The following AKAP19 variants were observed in gnomAD, a reference collection of about 807,000 sequenced individuals.
The protein encoded by AKAP19 is small A-kinase anchoring protein.
chr2:189,979,550 A>G, the AKAP19 span, among the ~76,000 whole-genome samples: 6 of 152,218 alleles, frequency 3.9e-5, no homozygotes, highest in Non-Finnish European at 5.9e-5. Context: ...TCTTAAAAGC[A>G]AATTCAACAG....
At chr2:190,004,658 C>T in the AKAP19 span, among the ~76,000 whole-genome samples, 1 of 151,536 alleles carries the variant, frequency 6.6e-6, no homozygotes, top group African/African-American at 2.4e-5. Context: ...TCTCATCTAT[C>T]ATTATAATCA....
chr2:190,015,927 C>A, the AKAP19 span, among the ~76,000 whole-genome samples: 1 of 152,184 alleles, frequency 6.6e-6, no homozygotes, highest in Non-Finnish European at 1.5e-5. Context: ...GCAAGAGTGA[C>A]CTTTGCTCCA....
At chr2:190,033,756 C>T in the AKAP19 span, among the ~76,000 whole-genome samples, 1 of 152,142 alleles carries the variant, frequency 6.6e-6, no homozygotes, top group East Asian at 1.9e-4. Flanking sequence ...GTCTTGTCTA[C>T]CTGGAATCTG....
At chr2:190,199,111 ACT>A in the AKAP19 span, among the ~76,000 whole-genome samples, 1 of 152,082 alleles carries the variant, frequency 6.6e-6, no homozygotes, top group Non-Finnish European at 1.5e-5. Flanking sequence ...ATAAAGCCAG[ACT>A]CTAACAGTAG....
At chr2:190,169,365 T>C in the AKAP19 span, among the ~76,000 whole-genome samples, 14,695 of 152,098 alleles carry the variant, frequency 0.097, 761 homozygotes, top group Middle Eastern at 0.14. Flanking sequence ...CATTCCTGTA[T>C]AGTCTTTTGT....
chr2:190,013,497 G>A, the AKAP19 span, among the ~76,000 whole-genome samples: 5 of 151,398 alleles, frequency 3.3e-5, no homozygotes, highest in Non-Finnish European at 5.9e-5. Flanking sequence ...GTCTCTCTTT[G>A]TTTATTTGTA....
chr2:190,036,308 G>A, the AKAP19 span, among the ~76,000 whole-genome samples: 1,529 of 152,236 alleles, frequency 0.01, 23 homozygotes, highest in African/African-American at 0.035. Flanking sequence ...GTGAGCTATG[G>A]CACAGTACAG....
the AKAP19 span, among the ~76,000 whole-genome samples, chr2:189,959,213 ACTTT>A: frequency 6.6e-6 from 1 of 151,482 alleles, no homozygotes; most frequent in African/African-American, 2.4e-5. Context: ...TTTAAATTTA[ACTTT>A]CTAATATAAT....
the AKAP19 span, among the ~76,000 whole-genome samples, chr2:189,938,563 T>TGA: frequency 6.6e-6 from 1 of 152,080 alleles, no homozygotes; most frequent in African/African-American, 2.4e-5. Context: ...AGTAGAAGGA[T>TGA]GGTTACCAGA....
At chr2:189,940,921 A>G in the AKAP19 span, among the ~76,000 whole-genome samples, 1 of 152,178 alleles carries the variant, frequency 6.6e-6, no homozygotes, top group Non-Finnish European at 1.5e-5. Flanking sequence ...GCCAGAGAAT[A>G]CCAAATTTGT....
chr2:189,906,908 A>G, the AKAP19 span, among the ~76,000 whole-genome samples: 1 of 152,188 alleles, frequency 6.6e-6, no homozygotes, highest in Admixed American at 6.5e-5. Context: ...ATAGCAGGGT[A>G]CTAAGCTGTA....
the AKAP19 span, among the ~76,000 whole-genome samples, chr2:189,929,177 C>G: frequency 1.3e-5 from 2 of 152,134 alleles, no homozygotes; most frequent in African/African-American, 4.8e-5. Flanking sequence ...AGTTAGCTAG[C>G]AGGACTTAAT....
chr2:190,059,014 A>G, the AKAP19 span, among the ~76,000 whole-genome samples: 1 of 151,698 alleles, frequency 6.6e-6, no homozygotes, highest in African/African-American at 2.4e-5. Flanking sequence ...AAATATATAT[A>G]TACACATATA....
the AKAP19 span, among the ~76,000 whole-genome samples, chr2:190,070,200 G>A: frequency 5.3e-5 from 8 of 152,244 alleles, no homozygotes; most frequent in African/African-American, 1.9e-4. Context: ...TAGTATAGGA[G>A]TTTTAATGTC....
the AKAP19 span, among the ~76,000 whole-genome samples, chr2:190,038,843 T>A: frequency 3.3e-5 from 5 of 151,920 alleles, no homozygotes; most frequent in African/African-American, 4.8e-5. Flanking sequence ...TACAGGAATC[T>A]TCTACTTTGC....
chr2:189,989,399 C>T, the AKAP19 span, among the ~76,000 whole-genome samples: 1 of 151,510 alleles, frequency 6.6e-6, no homozygotes, highest in African/African-American at 2.4e-5. Context: ...GAACTAAATT[C>T]ATCAATTAAA....
the AKAP19 span, chr2:190,062,465 C>A: frequency 6.2e-7 from 1 of 1,613,490 alleles, no homozygotes; most frequent in Non-Finnish European, 8.5e-7. Flanking sequence ...TGTTTTGTCT[C>A]CAAGTACATG....
chr2:189,986,656 C>A, the AKAP19 span, among the ~76,000 whole-genome samples: 129 of 152,188 alleles, frequency 8.5e-4, 1 homozygote, highest in African/African-American at 2.9e-3. Flanking sequence ...ATTCTCTATC[C>A]CCTTACTTCT....
the AKAP19 span, chr2:190,056,982 G>T: frequency 2.9e-6 from 1 of 343,466 alleles, no homozygotes; most frequent in Non-Finnish European, 5.3e-6. Flanking sequence ...TCATTTCCTC[G>T]CCGATGTTGT....
Sources: gnomAD v4.1 joint callset for allele counts (sites outside exome capture counted in the v4.1 genomes callset) on GRCh38, gnomAD v4.1.1 for gene constraint, MANE v1.5 for transcripts, NCBI Gene and HGNC (gene_info 2026-07-23, HGNC 2026-07-21) for gene names.